The following DRD2 variants were observed in gnomAD, a reference collection of about 807,000 sequenced individuals.
The protein encoded by DRD2 is D(2) dopamine receptor.
A neutral mutation model predicts 38.0 loss-of-function variants in DRD2; 8 were observed. The observed-to-expected ratio is 0.21, with a 90% CI of 0.12 to 0.38. DRD2 has a LOEUF of 0.38. Among genes scored for constraint, DRD2 ranks in the 10% least tolerant of loss-of-function variants. The probability of loss-of-function intolerance (pLI) is 1.00; values close to 1 mark genes in which losing one functional copy is unlikely to be tolerated. For missense variants in DRD2, 403 were observed against 607.7 expected (o/e 0.66, Z 3.54); for synonymous variants, 230 against 238.6 (o/e 0.96, Z 0.33).
chr11:113,454,967 T>C (rs996124050), intron 1 of DRD2, among the ~76,000 whole-genome samples: 3 of 152,170 alleles, frequency 2.0e-5, no homozygotes, highest in Non-Finnish European at 4.4e-5. Context: ...TCTCACCCTT[T>C]ATAAAAGAAT....
chr11:113,454,716 C>T (rs1264721801), intron 1 of DRD2, among the ~76,000 whole-genome samples: 2 of 152,160 alleles, frequency 1.3e-5, no homozygotes, highest in African/African-American at 2.4e-5. Context: ...TAAGTGTCTA[C>T]TAATGGATGA....
intron 1 of DRD2, among the ~76,000 whole-genome samples, chr11:113,452,469 T>TGTGTGCGCGCGC (rs1210531875): frequency 5.1e-5 from 6 of 118,784 alleles, no homozygotes; most frequent in African/African-American, 1.8e-4. Flanking sequence ...TGTGTGTGTG[T>TGTGTGCGCGCGC]GCGCGCGCGC....
chr11:113,432,302 C>CTG lies in DRD2; in HGVS notation c.-31-7621_-31-7620insCA, dbSNP rs1240911676. 2.6e-5 allele frequency among the ~76,000 whole-genome samples: 4 copies of CTG among 151,422 alleles called. No individual in the cohort carries two copies. In the East Asian group the frequency reaches 7.8e-4, roughly 29 times the overall value. On this transcript the variant is annotated intron_variant, in intron 1 of 7. Coordinates refer to ENST00000362072, the MANE Select transcript of DRD2 (RefSeq NM_000795.4). ...TGATCCTCTCTTTCTCTCTCTCTCT[C>CTG]TCTCTCTCTCTCTCTCTCTCTCTCC...
intron 1 of DRD2, among the ~76,000 whole-genome samples, chr11:113,464,995 C>A (rs4350392): frequency 0.17 from 25,369 of 152,094 alleles, 2,463 homozygotes; most frequent in East Asian, 0.39. Context: ...CTCCACTGCC[C>A]CTCCCTAGAT....
At chr11:113,440,744 G>A (rs1014878677) in intron 1 of DRD2, among the ~76,000 whole-genome samples, 1 of 152,172 alleles carries the variant, frequency 6.6e-6, no homozygotes, top group Non-Finnish European at 1.5e-5. Context: ...CTTATGAGGG[G>A]GCAGAAAGGA....
At position 113,417,284 on chromosome 11, in the gene DRD2, C is replaced by A. The variant is rs1950837039; in HGVS notation, c.396-285G>T. On this transcript the variant is annotated intron_variant, in intron 3 of 7. Coordinates refer to ENST00000362072, the MANE Select transcript of DRD2 (RefSeq NM_000795.4). ...CCTGGATTTCAGGCTTTTCGAAGAA[C>A]CATGGCCTGCATCTTTGCACTTTTG... Among the ~76,000 whole-genome samples the A allele has an allele frequency of 2.0e-5, 3 of 152,190 alleles. No homozygotes were observed. The South Asian group carries it at 6.2e-4, about 32-fold the overall frequency.
At chr11:113,436,453 T>G (rs927989337) in intron 1 of DRD2, among the ~76,000 whole-genome samples, 6 of 152,166 alleles carry the variant, frequency 3.9e-5, no homozygotes, top group African/African-American at 1.4e-4. Flanking sequence ...TCCCTGAAAT[T>G]TAGGGGACAA....
chr11:113,413,667 C>A (rs1374752346), intron 6 of DRD2, among the ~76,000 whole-genome samples: 1 of 152,234 alleles, frequency 6.6e-6, no homozygotes, highest in Non-Finnish European at 1.5e-5. Context: ...GAAGGCAGGA[C>A]ACCAGACCTG....
chr11:113,417,029 G>A (rs1334833098), intron 3 of DRD2, 30 bp from the exon 4 acceptor site: 2 of 1,611,588 alleles, frequency 1.2e-6, no homozygotes, highest in Non-Finnish European at 1.7e-6. Flanking sequence ...TGAATCTGGG[G>A]TGCAGGCCCA....
At chr11:113,416,798 G>A in intron 4 of DRD2, 65 bp downstream of exon 4, 1 of 1,590,068 alleles carries the variant, frequency 6.3e-7, no homozygotes, top group Non-Finnish European at 8.6e-7. Context: ...TGCTCCCTCA[G>A]GGCCCTTCGA....
rs762813643 is a variant in DRD2, at chr11:113,412,539, A to G, written c.1138+17T>C. 12 of 1,609,096 alleles carry G rather than the reference A, an allele frequency of 7.5e-6. No homozygotes were observed. The East Asian group carries it at 2.7e-4, about 36-fold the overall frequency. On this transcript the variant is annotated intron_variant, in intron 7 of 7. Transcript: ENST00000362072. ...TTTCACAGACCGGGCTGTGGCCAGC[A>G]GCCAGGGCCGACTCACCGAGAACAA...
chr11:113,474,362 C>G (rs1450997864), intron 1 of DRD2: 1 of 152,236 alleles, frequency 6.6e-6, no homozygotes, highest in East Asian at 1.9e-4. Context: ...CATCATAGAG[C>G]CGGGCCGAGA....
At chr11:113,441,600 A>C (rs1360122624) in intron 1 of DRD2, among the ~76,000 whole-genome samples, 10 of 152,240 alleles carry the variant, frequency 6.6e-5, no homozygotes. Flanking sequence ...GGGGTCGTCC[A>C]GATAGTCCCC....
chr11:113,421,762 A>G (rs1459597501), intron 2 of DRD2, among the ~76,000 whole-genome samples: 1 of 152,194 alleles, frequency 6.6e-6, no homozygotes, highest in Non-Finnish European at 1.5e-5. Context: ...GTGCGCTGAT[A>G]GGACATCAGG....
intron 4 of DRD2, among the ~76,000 whole-genome samples, chr11:113,416,394 T>C (rs570573523): frequency 2.6e-5 from 4 of 152,208 alleles, no homozygotes; most frequent in Non-Finnish European, 4.4e-5. Context: ...TCCTATTCAC[T>C]TCTAGCTTTC....
chr11:113,448,244 T>C (rs933262463), intron 1 of DRD2, among the ~76,000 whole-genome samples: 5 of 152,132 alleles, frequency 3.3e-5, no homozygotes, highest in South Asian at 2.1e-4. Flanking sequence ...CATAGGCCAG[T>C]AGAGCACCCA....
At chr11:113,453,661 T>C (rs908710985) in intron 1 of DRD2, among the ~76,000 whole-genome samples, 3 of 152,170 alleles carry the variant, frequency 2.0e-5, no homozygotes, top group Non-Finnish European at 4.4e-5. Flanking sequence ...GAGACCACAG[T>C]GCAGGGAGAG....
intron 1 of DRD2, among the ~76,000 whole-genome samples, chr11:113,467,501 C>A (rs1335116920): frequency 6.6e-6 from 1 of 152,224 alleles, no homozygotes; most frequent in Non-Finnish European, 1.5e-5. Flanking sequence ...CATATTTCTG[C>A]CAGCTTTGGG....
At chr11:113,429,643 C>T (rs1359488431) in intron 1 of DRD2, among the ~76,000 whole-genome samples, 1 of 152,174 alleles carries the variant, frequency 6.6e-6, no homozygotes, top group Non-Finnish European at 1.5e-5. Context: ...CAAGCAGGGG[C>T]AGCCTAGCTG....
Sources: allele counts gnomAD v4.1 joint callset (sites outside exome capture counted in the v4.1 genomes callset), GRCh38; gene constraint gnomAD v4.1.1; transcripts MANE v1.5; gene names NCBI Gene and HGNC (gene_info 2026-07-23, HGNC 2026-07-21).